Variants in WIPF1 observed in about 807,000 individuals in gnomAD.
WIPF1 encodes WAS/WASL-interacting protein family member 1.
WIPF1 carries 13 observed loss-of-function variants against 35.4 expected under a neutral mutation model. That is an observed-to-expected ratio of 0.37 (90% confidence interval 0.24 to 0.58). The LOEUF (loss-of-function observed/expected upper bound fraction) is 0.58, where lower values mean the gene tolerates loss of function less well. WIPF1 is among the 20% of genes least tolerant of loss of function. WIPF1 has a pLI of 0.74. For synonymous variants in WIPF1, 267 were observed against 266.3 expected (o/e 1.00, Z -0.02); for missense variants, 591 against 667.0 (o/e 0.89, Z 1.25).
Position 174,575,297 on chromosome 2 carries a change from C to T in WIPF1, c.265G>A (p.Gly89Ser), listed in dbSNP as rs778700289. 2.2e-5 allele frequency: 36 copies of T among 1,613,572 alleles called. No individual in the cohort carries two copies. Among genetic ancestry groups the T allele is most frequent in the Admixed American group, 3.3e-5 (2 of 59,962 alleles). ...GGTCCGCCCCCTCCAAAACTTCCAC[C>T]GCCTCCGCCACCACCTCCTCCGCCA... The part of the protein sequence containing the change: ...GFGGGGGGGG[G>S]GSFGGGGPPG... The change falls in exon 4 of 8, where the codon GGT becomes AGT. Residue 89 changes from glycine to serine, a missense_variant. Transcript: ENST00000679041.
intron 1 of WIPF1, among the ~76,000 whole-genome samples, chr2:174,653,019 T>A (rs1175957325): frequency 6.6e-6 from 1 of 152,100 alleles, no homozygotes; most frequent in African/African-American, 2.4e-5. Flanking sequence ...AACAAACATA[T>A]AATGAGAATG....
At chr2:174,588,687 C>T (rs1279295630) in intron 1 of WIPF1, among the ~76,000 whole-genome samples, 1 of 152,132 alleles carries the variant, frequency 6.6e-6, no homozygotes, top group Non-Finnish European at 1.5e-5. Context: ...GGGCCAGAGC[C>T]AAGGCCAGAT....
Position 174,560,505 on chromosome 2 carries a change from C to T in WIPF1, c.*2042G>A, listed in dbSNP as rs1039645726. 6.6e-6 allele frequency: 1 copy of T among 152,570 alleles called. No homozygotes were observed. The highest frequency in any genetic ancestry group is 1.5e-5 in the Non-Finnish European group (1 of 68,020). 9.5% of individuals were successfully genotyped at this position (152,570 alleles called of 1,614,324 possible). The stretch of plus-strand genomic sequence containing the variant: ...GGCTTTATCATAGGGATGTTTTTCA[C>T]TGTTGAAATCAGATAAAAGAATCCC... On this transcript the variant is annotated 3_prime_UTR_variant, in exon 8 of 8. Transcript: ENST00000679041.
At chr2:174,572,522 A>G in intron 4 of WIPF1, 76 bp from the exon 5 acceptor site, 1 of 1,570,786 alleles carries the variant, frequency 6.4e-7, no homozygotes, top group South Asian at 1.1e-5. Context: ...GTCTGTTCCC[A>G]GTGACTGGAA....
At chr2:174,614,093 A>C (rs1686434456) in intron 1 of WIPF1, among the ~76,000 whole-genome samples, 1 of 152,228 alleles carries the variant, frequency 6.6e-6, no homozygotes, top group Admixed American at 6.5e-5. Flanking sequence ...ACAAATTCAG[A>C]AAGAAAATGC....
rs1359051046 is a variant in WIPF1, at chr2:174,562,183, C to T, written c.*364G>A. 1 of 1,550,324 alleles carries T rather than the reference C, an allele frequency of 6.5e-7. No homozygotes were observed. The highest frequency in any genetic ancestry group is 1.4e-5 in the African/African-American group (1 of 73,008). ...CATGCGAAAAAGGAACGGGAGAAAA[C>T]AGCTCTCAGGGACTTTAATAATTAC... On this transcript the variant is annotated 3_prime_UTR_variant, in exon 8 of 8. Coordinates refer to ENST00000679041, the MANE Select transcript of WIPF1 (RefSeq NM_001375834.1).
chr2:174,607,358 G>A (rs1179009509), intron 1 of WIPF1, among the ~76,000 whole-genome samples: 5 of 152,034 alleles, frequency 3.3e-5, no homozygotes, highest in East Asian at 3.9e-4. Flanking sequence ...AGCCGAGATC[G>A]CACCACTGCA....
rs1348254839 is a variant in WIPF1, at chr2:174,676,113, CT to C, written c.-39+6660del. Among the ~76,000 whole-genome samples the C allele has an allele frequency of 1.2e-3, 175 of 141,702 alleles. 1 individual carries two copies. The highest frequency in any genetic ancestry group is 1.8e-3 in the African/African-American group (69 of 38,836). 93.0% of individuals were successfully genotyped at this position (141,702 alleles called of 152,430 possible). A position where few individuals can be genotyped will look rare whatever the true frequency, so the allele number is the denominator to read the frequency against. On this transcript the variant is annotated intron_variant, in intron 1 of 8. Coordinates refer to the WIPF1 transcript ENST00000272746. ...AGGCACATACAGCCACCATGCCTGG[CT>C]TTTTTTTTTTTCTTTTTGGTATTTT...
At position 174,575,912 on chromosome 2, in the gene WIPF1, A is replaced by ATAAC. The variant is rs200423470; in HGVS notation, c.182-533_182-532insGTTA. On this transcript the variant is annotated intron_variant, in intron 3 of 7. Transcript: ENST00000679041. ...GCCATAAAAGGCGAGAAGAAAGGAA[A>ATAAC]GAGTTAAAAAGAAAAGAAAATAAAA... Among the ~76,000 whole-genome samples the ATAAC allele has an allele frequency of 4.1e-3, 621 of 152,266 alleles. 8 individuals are homozygous for ATAAC. In the East Asian group the frequency reaches 0.058, roughly 14 times the overall value.
intron 1 of WIPF1, among the ~76,000 whole-genome samples, chr2:174,588,670 A>G (rs1685507864): frequency 6.6e-6 from 1 of 152,220 alleles, no homozygotes. Context: ...GGCAACAGTC[A>G]TGGCTGGGGC....
rs555018874 is a variant in WIPF1, at chr2:174,670,251, T to C, written c.-39+12523A>G. Among the ~76,000 whole-genome samples, 30 of 152,302 alleles carry C rather than the reference T, an allele frequency of 2.0e-4. 1 individual carries two copies. Among genetic ancestry groups the C allele is most frequent in the African/African-American group, 7.2e-4 (30 of 41,556 alleles). ...CAGAACCACCAGACTCTTTGTCTTA[T>C]TTCACTGCTGGCCTCTGCACCCTCC... On this transcript the variant is annotated intron_variant, in intron 1 of 8. Transcript: ENST00000272746.
chr2:174,636,921 T>C (rs925271532), intron 1 of WIPF1, among the ~76,000 whole-genome samples: 5 of 152,208 alleles, frequency 3.3e-5, no homozygotes, highest in African/African-American at 4.8e-5. Flanking sequence ...GCAGTGCATG[T>C]CAGTTTTCTC....
At chr2:174,650,888 CTT>C (rs1312325529) in intron 1 of WIPF1, among the ~76,000 whole-genome samples, 1 of 152,228 alleles carries the variant, frequency 6.6e-6, no homozygotes, top group Non-Finnish European at 1.5e-5. Context: ...CCATGGCAAA[CTT>C]ATGTCTACAG....
At chr2:174,567,240 C>T (rs1339243161) in intron 6 of WIPF1, 57 bp from the exon 7 acceptor site, 40 of 1,494,736 alleles carry the variant, frequency 2.7e-5, no homozygotes, top group Non-Finnish European at 2.5e-5. Context: ...TGAAGACTTA[C>T]GTAACGAAAG....
intron 1 of WIPF1, among the ~76,000 whole-genome samples, chr2:174,636,667 G>A (rs1039559529): frequency 1.3e-5 from 2 of 152,144 alleles, no homozygotes; most frequent in Admixed American, 6.5e-5. Context: ...GGCTGTGATG[G>A]TTTCTCAGGC....
At chr2:174,608,616 G>T (rs930185317) in intron 1 of WIPF1, among the ~76,000 whole-genome samples, 1 of 152,152 alleles carries the variant, frequency 6.6e-6, no homozygotes, top group Non-Finnish European at 1.5e-5. Flanking sequence ...CCATGTGAAT[G>T]ATAGAAAGAG....
At chr2:174,642,505 C>T (rs926713768) in intron 1 of WIPF1, among the ~76,000 whole-genome samples, 2 of 151,716 alleles carry the variant, frequency 1.3e-5, no homozygotes, top group Non-Finnish European at 2.9e-5. Flanking sequence ...CACCACCACG[C>T]CCGGCTAATT....
Position 174,561,011 on chromosome 2 carries a change from T to C in WIPF1, c.*1536A>G, listed in dbSNP as rs1684471811. The C allele has an allele frequency of 6.5e-6, 1 of 152,786 alleles. No homozygotes were observed. The highest frequency in any genetic ancestry group is 1.9e-4 in the East Asian group (1 of 5,192). The allele number at this position is 152,786 out of a possible 1,614,324, so 9.5% of individuals were successfully genotyped here. On this transcript the variant is annotated 3_prime_UTR_variant, in exon 8 of 8. Transcript: ENST00000679041. ...TTTAAAAAACAAGTAATGGTAATTTTAAACAAAACCATGTAAAATATCTAA... is the reference window on the plus strand; with the variant it reads ...TTTAAAAAACAAGTAATGGTAATTTCAAACAAAACCATGTAAAATATCTAA...
chr2:174,670,761 G>T (rs998589476), intron 1 of WIPF1, among the ~76,000 whole-genome samples: 5 of 152,204 alleles, frequency 3.3e-5, no homozygotes. Context: ...CTAACAGTCA[G>T]GTCAGAATTC....
Sources: gnomAD v4.1 joint callset for allele counts (sites outside exome capture counted in the v4.1 genomes callset) on GRCh38, gnomAD v4.1.1 for gene constraint, MANE v1.5 for transcripts, NCBI Gene and HGNC (gene_info 2026-07-23, HGNC 2026-07-21) for gene names.